Variants in SCAPER observed in about 807,000 individuals in gnomAD.
SCAPER encodes the protein S phase cyclin A-associated protein in the endoplasmic reticulum.
SCAPER carries 98 observed loss-of-function variants against 182.2 expected under a neutral mutation model. That is an observed-to-expected ratio of 0.54 (90% confidence interval 0.46 to 0.64). The LOEUF is 0.64. Ranked by LOEUF, SCAPER falls within the 30% of genes least tolerant of loss-of-function variation. The pLI, the probability that SCAPER is intolerant of heterozygous loss-of-function variation, is 0.00. For synonymous variants in SCAPER, 605 were observed against 564.6 expected (o/e 1.07, Z -1.01); for missense variants, 1,432 against 1,690.0 (o/e 0.85, Z 2.68).
chr15:76,622,140 T>C (rs1217208109), intron 21 of SCAPER, among the ~76,000 whole-genome samples: 1 of 152,152 alleles, frequency 6.6e-6, no homozygotes, highest in African/African-American at 2.4e-5. Flanking sequence ...TTCAGAAAAA[T>C]TTGAGATACT....
At chr15:76,456,065 A>G (rs937219283) in intron 25 of SCAPER, among the ~76,000 whole-genome samples, 2 of 152,158 alleles carry the variant, frequency 1.3e-5, no homozygotes, top group Non-Finnish European at 2.9e-5. Context: ...TATCCAGTCT[A>G]TCATTGATGA....
intron 20 of SCAPER, among the ~76,000 whole-genome samples, chr15:76,669,692 C>A (rs2056875431): frequency 6.6e-6 from 1 of 152,132 alleles, no homozygotes; most frequent in African/African-American, 2.4e-5. Context: ...TGGTATAATG[C>A]CCATGGTCAC....
At position 76,354,030 on chromosome 15, in the gene SCAPER, G is replaced by A. The variant is rs187434753; in HGVS notation, c.3966C>T (p.Ile1322=). Residue 1322 remains isoleucine (I), a synonymous_variant, in exon 30 of 32, where the codon ATC becomes ATT. Transcript: ENST00000563290. The surrounding 1 kb of genome is among the most constrained non-coding windows in gnomAD (Gnocchi z 4.4). Reference sequence around the variant, plus strand: ...TCTGATGGTTGTTGTAACAAGCAGCGATAAGTGAAGGGAACAGTACTTTGA... The same window carrying A: ...TCTGATGGTTGTTGTAACAAGCAGCAATAAGTGAAGGGAACAGTACTTTGA... ...RLIKVLFPSL[I]AACYNNHQNK... 1.1e-5 allele frequency: 17 copies of A among 1,607,402 alleles called. No individual in the cohort carries two copies. The highest frequency in any genetic ancestry group is 1.7e-4 in the Middle Eastern group (1 of 6,058).
chr15:76,896,816 C>T (rs1419759159), intron 1 of SCAPER, among the ~76,000 whole-genome samples: 1 of 152,054 alleles, frequency 6.6e-6, no homozygotes, highest in Non-Finnish European at 1.5e-5. Flanking sequence ...CGTGGTGGCA[C>T]GCACCTGTAG....
chr15:76,507,621 A>G (rs1378588945), intron 23 of SCAPER, among the ~76,000 whole-genome samples: 1 of 152,170 alleles, frequency 6.6e-6, no homozygotes, highest in Non-Finnish European at 1.5e-5. Flanking sequence ...CGTATCAATT[A>G]TTGTCTCCAG....
intron 10 of SCAPER, among the ~76,000 whole-genome samples, chr15:76,767,653 CAT>C (rs1031458619): frequency 6.1e-4 from 92 of 151,854 alleles, no homozygotes; most frequent in African/African-American, 1.5e-3. Flanking sequence ...ACAAAACAAA[CAT>C]GTGGTTAATA....
chr15:76,708,298 G>A (rs542758837), intron 17 of SCAPER, among the ~76,000 whole-genome samples: 2 of 151,960 alleles, frequency 1.3e-5, no homozygotes, highest in Non-Finnish European at 2.9e-5. Flanking sequence ...TTGACCCATG[G>A]TTGACTGAAT....
chr15:76,668,715 T>C (rs2056799542), intron 20 of SCAPER, among the ~76,000 whole-genome samples: 1 of 152,158 alleles, frequency 6.6e-6, no homozygotes, highest in Non-Finnish European at 1.5e-5. Flanking sequence ...TCCTCAAACA[T>C]AAGTTTCCCA....
At chr15:76,579,135 G>A (rs149939746) in intron 22 of SCAPER, among the ~76,000 whole-genome samples, 2,198 of 151,696 alleles carry the variant, frequency 0.014, 55 homozygotes, top group African/African-American at 0.051. Flanking sequence ...GCATGGTGGC[G>A]GGTGCCTGTA....
chr15:76,357,213 G>A (rs1360270078), intron 29 of SCAPER, among the ~76,000 whole-genome samples: 1 of 133,316 alleles, frequency 7.5e-6, no homozygotes, highest in Non-Finnish European at 1.6e-5. Flanking sequence ...CACCTACCTC[G>A]CTTAGGTGAA....
At chr15:76,665,383 T>C (rs1036308870) in intron 21 of SCAPER, among the ~76,000 whole-genome samples, 7 of 152,186 alleles carry the variant, frequency 4.6e-5, no homozygotes, top group East Asian at 1.9e-4. Context: ...TACTTAAACA[T>C]ACTATTGTAT....
intron 30 of SCAPER, among the ~76,000 whole-genome samples, chr15:76,352,840 TTTC>T (rs1461479430): frequency 7.2e-5 from 11 of 152,332 alleles, no homozygotes; most frequent in South Asian, 4.1e-4. Context: ...ACTGTAAAAT[TTTC>T]TTAAGATATT....
At chr15:76,443,281 G>T (rs1444184264) in intron 25 of SCAPER, among the ~76,000 whole-genome samples, 1 of 152,204 alleles carries the variant, frequency 6.6e-6, no homozygotes, top group Non-Finnish European at 1.5e-5. Context: ...ACACCAACTT[G>T]TTATAACATG....
At chr15:76,890,214 A>T (rs532446735) in intron 1 of SCAPER, among the ~76,000 whole-genome samples, 1 of 152,360 alleles carries the variant, frequency 6.6e-6, no homozygotes, top group East Asian at 1.9e-4. Context: ...AAGAGAAAGC[A>T]GGAAAGATCT....
At chr15:76,797,154 T>C (rs954862792) in intron 7 of SCAPER, 4 of 152,006 alleles carry the variant, frequency 2.6e-5, no homozygotes, top group African/African-American at 9.7e-5. Context: ...AGTTAGGAGA[T>C]AAAAAGCAGT....
chr15:76,759,618 T>C (rs947174641), intron 14 of SCAPER, among the ~76,000 whole-genome samples: 1 of 152,200 alleles, frequency 6.6e-6, no homozygotes, highest in Non-Finnish European at 1.5e-5. Context: ...CATTGGCCTA[T>C]ATTGTGTGGA....
intron 4 of SCAPER, among the ~76,000 whole-genome samples, chr15:76,856,807 T>G (rs1388616025): frequency 6.6e-6 from 1 of 152,028 alleles, no homozygotes; most frequent in African/African-American, 2.4e-5. Context: ...GGTCAAGTCA[T>G]TCTGTGAGCT....
At position 76,753,842 on chromosome 15, in the gene SCAPER, GCTTGTAA is replaced by G; in HGVS notation, c.1825_1831del (p.Leu609GlnfsTer3). 1 of 1,612,556 alleles carries G rather than the reference GCTTGTAA, an allele frequency of 6.2e-7. No homozygotes were observed. Among genetic ancestry groups the G allele is most frequent in the Non-Finnish European group, 8.5e-7 (1 of 1,179,066 alleles). ...TTCTTCTTGTGCTTTTTTCACAATT[GCTTGTAA>G]CTGCACTTCTCGCTTAAACTCAGCA... On this transcript the variant is annotated frameshift_variant, in exon 15 of 32. Coordinates refer to ENST00000563290, the MANE Select transcript of SCAPER (RefSeq NM_020843.4). LOFTEE classifies it high-confidence loss of function.
intron 21 of SCAPER, among the ~76,000 whole-genome samples, chr15:76,663,935 A>T (rs1263031210): frequency 6.6e-6 from 1 of 152,082 alleles, no homozygotes; most frequent in Non-Finnish European, 1.5e-5. Flanking sequence ...TAGAAGATAA[A>T]ACTATTTTTC....
Sources: gnomAD v4.1 joint callset for allele counts (sites outside exome capture counted in the v4.1 genomes callset) on GRCh38, gnomAD v4.1.1 for gene constraint, Gnocchi (gnomAD v3.1) non-coding constraint, MANE v1.5 for transcripts, NCBI Gene and HGNC (gene_info 2026-07-23, HGNC 2026-07-21) for gene names.